The following HOXB3 variants were observed in gnomAD, a reference collection of about 807,000 sequenced individuals.
HOXB3 encodes homeobox B3.
HOXB3 carries 17 observed loss-of-function variants against 29.2 expected under a neutral mutation model. The observed-to-expected ratio is 0.58, with a 90% CI of 0.40 to 0.87. HOXB3 has a LOEUF of 0.87. Among genes scored for constraint, HOXB3 ranks in the 40% least tolerant of loss-of-function variants. The pLI is 0.00. For missense variants in HOXB3, 637 were observed against 616.3 expected (o/e 1.03, Z -0.35); for synonymous variants, 317 against 285.9 (o/e 1.11, Z -1.10).
chr17:48,568,566 G>C (rs760247100), intron 2 of HOXB3, among the ~76,000 whole-genome samples: 1 of 151,936 alleles, frequency 6.6e-6, no homozygotes, highest in South Asian at 2.1e-4. Context: ...ATCATTTTCC[G>C]TGAAAAATGA....
intron 2 of HOXB3, among the ~76,000 whole-genome samples, chr17:48,560,957 G>A (rs889189178): frequency 6.6e-6 from 1 of 152,254 alleles, no homozygotes; most frequent in Non-Finnish European, 1.5e-5. Context: ...CGAGGCAGGC[G>A]ATCACCTGAG....
intron 1 of HOXB3, among the ~76,000 whole-genome samples, chr17:48,587,954 C>T (rs573780566): frequency 1.6e-4 from 24 of 152,316 alleles, no homozygotes; most frequent in South Asian, 6.2e-4. Context: ...CAGAGGGTAC[C>T]GGCTTGGCTT....
chr17:48,589,640 C>T (rs1159059883), intron 1 of HOXB3, among the ~76,000 whole-genome samples: 1 of 152,098 alleles, frequency 6.6e-6, no homozygotes. Context: ...CCACAGCAGC[C>T]GCCTACCCGG....
chr17:48,561,928 T>A (rs1465539454), intron 2 of HOXB3, among the ~76,000 whole-genome samples: 1 of 152,216 alleles, frequency 6.6e-6, no homozygotes, highest in East Asian at 1.9e-4. Flanking sequence ...CATGTGCTGA[T>A]GTAAAAGTGA....
Position 48,573,962 on chromosome 17 carries a change from CG to C in HOXB3, c.-373del. 1.5e-6 allele frequency: 1 copy of C among 687,004 alleles called. No homozygotes were observed. The highest frequency in any genetic ancestry group is 2.1e-5 in the Admixed American group (1 of 46,642). The allele number at this position is 687,004 out of a possible 1,614,324, so 42.6% of individuals were successfully genotyped here. A position where few individuals can be genotyped will look rare whatever the true frequency, so the allele number is the denominator to read the frequency against. On this transcript the variant is annotated 5_prime_UTR_variant, in exon 2 of 5. Coordinates refer to ENST00000498678, the MANE Select transcript of HOXB3 (RefSeq NM_001384749.1). ...CCAAATTTTTTCCCCCTTGCAGATC[CG>C]GGAGAGACGGCTAACACTTTTTTCC... is the stretch of plus-strand genomic sequence containing the variant.
chr17:48,566,129 C>T (rs1366922687), intron 2 of HOXB3, among the ~76,000 whole-genome samples: 2 of 152,180 alleles, frequency 1.3e-5, no homozygotes, highest in African/African-American at 4.8e-5. Context: ...ATCCCAACCC[C>T]TGAACAACAC....
At chr17:48,570,912 A>G (rs2069564039) in intron 2 of HOXB3, among the ~76,000 whole-genome samples, 1 of 152,246 alleles carries the variant, frequency 6.6e-6, no homozygotes, top group Non-Finnish European at 1.5e-5. Flanking sequence ...TCCTCCAGAG[A>G]AAAACACTCT....
chr17:48,577,928 G>T, intron 1 of HOXB3: 2 of 1,364,394 alleles, frequency 1.5e-6, no homozygotes, highest in Non-Finnish European at 1.9e-6. Flanking sequence ...GGAGTGGGAC[G>T]GGCTGGGGTG....
In HOXB3 at chr17:48,554,354, ATAG is replaced by A. The variant is rs1188012880; in HGVS notation, c.-159+1174_-159+1176del. 1 of 430,010 alleles carries A rather than the reference ATAG, an allele frequency of 2.3e-6. No homozygotes were observed. The highest frequency in any genetic ancestry group is 4.2e-6 in the Non-Finnish European group (1 of 237,954). 26.6% of individuals were successfully genotyped at this position (430,010 alleles called of 1,614,324 possible). A position where few individuals can be genotyped will look rare whatever the true frequency, so the allele number is the denominator to read the frequency against. On this transcript the variant is annotated intron_variant, in intron 3 of 4. Coordinates refer to ENST00000498678, the MANE Select transcript of HOXB3 (RefSeq NM_001384749.1). The surrounding 1 kb of genome is among the most constrained non-coding windows in gnomAD (Gnocchi z 4.1). ...AATAATAATGATGACGATGATGATG[ATAG>A]TAATAATAATAAAACAATAATTTAA... is the stretch of plus-strand genomic sequence containing the variant.
At chr17:48,559,723 G>C (rs2069126689) in intron 2 of HOXB3, 2 of 152,420 alleles carry the variant, frequency 1.3e-5, no homozygotes, top group Middle Eastern at 3.4e-3. Flanking sequence ...GAAGGGAGAA[G>C]AGGAGACTCG....
intron 2 of HOXB3, 118 bp downstream of exon 2, chr17:48,573,719 C>T (rs1437884468): frequency 9.5e-6 from 6 of 630,376 alleles, no homozygotes; most frequent in South Asian, 1.8e-5. Flanking sequence ...ACCATAAAAA[C>T]CCAGCCAAGA....
At chr17:48,574,327 CT>C (rs527465913) in intron 1 of HOXB3, 165 of 160,856 alleles carry the variant, frequency 1.0e-3, no homozygotes, top group African/African-American at 3.8e-3. Flanking sequence ...AAGCTCGCCC[CT>C]CTCATCCTCC....
chr17:48,551,270 A>G (rs2144733613), intron 4 of HOXB3, 89 bp from the exon 5 acceptor site: 3 of 1,215,248 alleles, frequency 2.5e-6, no homozygotes, highest in Middle Eastern at 3.5e-4. Context: ...TCGTTTCTTA[A>G]TAAATCCAGG....
intron 2 of HOXB3, among the ~76,000 whole-genome samples, chr17:48,562,820 G>A (rs1393778874): frequency 6.6e-6 from 1 of 152,184 alleles, no homozygotes; most frequent in African/African-American, 2.4e-5. Context: ...AAAGCTGGGT[G>A]TCTGGACAGA....
At position 48,552,335 on chromosome 17, in the gene HOXB3, T is replaced by A. The variant is rs1489538449; in HGVS notation, c.140A>T (p.Tyr47Phe). Reference protein sequence around the residue: ...FQAATHLEGDYQRSACSLQSL... With the variant: ...FQAATHLEGDFQRSACSLQSL... ...CTGCAGCGAGCAAGCTGAGCGCTGG[T>A]AGTCGCCCTCCAGGTGCGTGGCGGC... The change falls in exon 4 of 5, where the codon TAC (tyrosine) becomes TTC (phenylalanine). Residue 47 changes from tyrosine to phenylalanine, a missense_variant. Physicochemically the swap from Tyr to Phe is conservative, Grantham distance 22. Coordinates refer to ENST00000498678, the MANE Select transcript of HOXB3 (RefSeq NM_001384749.1). The A allele has an allele frequency of 6.2e-7, 1 of 1,613,946 alleles. No individual in the cohort carries two copies.
intron 1 of HOXB3, chr17:48,576,457 TTTTC>T (rs375701346): frequency 3.0e-4 from 113 of 377,828 alleles, no homozygotes; most frequent in African/African-American, 1.4e-3. Flanking sequence ...TCTTCTTGCT[TTTTC>T]TTTTTCTTTT....
At chr17:48,557,267 A>G (rs1399249542) in intron 2 of HOXB3, 3 of 152,300 alleles carry the variant, frequency 2.0e-5, no homozygotes, top group Non-Finnish European at 2.9e-5. Context: ...CATGTAAGGC[A>G]CTACCCTGTG....
chr17:48,553,524 C>G (rs1209370990), intron 3 of HOXB3: 1 of 151,832 alleles, frequency 6.6e-6, no homozygotes, highest in African/African-American at 2.4e-5. Context: ...TTTGATTTCC[C>G]CCAAAGCAAA....
chr17:48,568,830 A>G (rs1419516659), intron 2 of HOXB3, among the ~76,000 whole-genome samples: 1 of 152,222 alleles, frequency 6.6e-6, no homozygotes, highest in Non-Finnish European at 1.5e-5. Flanking sequence ...GGGCATAAAC[A>G]CACAGAGCAC....
Sources: gnomAD v4.1 joint callset for allele counts (sites outside exome capture counted in the v4.1 genomes callset) on GRCh38, gnomAD v4.1.1 for gene constraint, Gnocchi (gnomAD v3.1) non-coding constraint, MANE v1.5 for transcripts, NCBI Gene and HGNC (gene_info 2026-07-23, HGNC 2026-07-21) for gene names.